Variants in MYO3A observed in about 807,000 individuals in gnomAD.
The protein encoded by MYO3A is myosin-IIIa.
MYO3A carries 180 observed loss-of-function variants against 192.7 expected under a neutral mutation model. That is an observed-to-expected ratio of 0.93 (90% CI 0.83 to 1.06). The LOEUF is 1.06. Among genes scored for constraint, MYO3A ranks in the 50% least tolerant of loss-of-function variants. The pLI is 0.00. For synonymous variants in MYO3A, 628 were observed against 645.3 expected (o/e 0.97, Z 0.41); for missense variants, 1,896 against 1,905.0 (o/e 1.00, Z 0.09).
In MYO3A at chr10:26,168,761, A is replaced by T. The variant is rs1841894749; in HGVS notation, c.3161A>T (p.Glu1054Val). Residue 1054 changes from glutamate to valine, a missense_variant, in exon 28 of 35, where the codon GAA becomes GTA. Transcript: ENST00000642920. ...GAGCAGTTAAATCTAATGCGAAAGG[A>T]AGCTATTGACAAGCTTATTTTGATT... ...HVEQLNLMRK[E>V]AIDKLILIQA... 2 of 1,613,324 alleles carry T rather than the reference A, an allele frequency of 1.2e-6. No individual in the cohort carries two copies. The highest frequency in any genetic ancestry group is 1.7e-5 in the Admixed American group (1 of 60,006).
At chr10:26,102,201 C>G (rs1588958682) in intron 17 of MYO3A, among the ~76,000 whole-genome samples, 1 of 152,308 alleles carries the variant, frequency 6.6e-6, no homozygotes, top group South Asian at 2.1e-4. Context: ...GCTACTGAAG[C>G]TTTTGCATGC....
intron 15 of MYO3A, among the ~76,000 whole-genome samples, chr10:26,090,435 T>C (rs1268951076): frequency 6.6e-6 from 1 of 152,230 alleles, no homozygotes; most frequent in Non-Finnish European, 1.5e-5. Flanking sequence ...AAGTAGTTTT[T>C]TTCCCCCTAA....
chr10:26,203,178 A>C, intron 34 of MYO3A, 71 bp downstream of exon 34: 2 of 1,490,142 alleles, frequency 1.3e-6, no homozygotes, highest in South Asian at 2.3e-5. Context: ...AAGATATTTC[A>C]CTTTATATAT....
chr10:26,070,798 G>A lies in MYO3A; in HGVS notation c.1359+397G>A, dbSNP rs540858957. ...GTCAATTGCAAATTGAATCTTAAAA[G>A]TGCCATTAACAATAAAATCAAAAAA... On this transcript the variant is annotated intron_variant, in intron 14 of 34. Transcript: ENST00000642920. Among the ~76,000 whole-genome samples, 7 of 151,954 alleles carry A rather than the reference G, an allele frequency of 4.6e-5. No homozygotes were observed. In the South Asian group the frequency reaches 1.4e-3, roughly 31 times the overall value.
chr10:26,070,666 A>G (rs1371085355), intron 14 of MYO3A, among the ~76,000 whole-genome samples: 1 of 152,042 alleles, frequency 6.6e-6, no homozygotes, highest in Non-Finnish European at 1.5e-5. Context: ...CAGTGCATTT[A>G]TTGAATGCTT....
intron 1 of MYO3A, among the ~76,000 whole-genome samples, chr10:25,934,538 G>A (rs1405771776): frequency 3.9e-5 from 6 of 152,008 alleles, no homozygotes; most frequent in African/African-American, 1.4e-4. Flanking sequence ...TGAGAGAGGG[G>A]ACTCGAGGGG....
Position 26,202,951 on chromosome 10 carries a change from T to C in MYO3A, c.4587-13T>C. On this transcript the variant is annotated splice_polypyrimidine_tract_variant and intron_variant, in intron 33 of 34. Transcript: ENST00000642920. ...AGATTGATGCAATGGTGTGTTTATG[T>C]GTTCATTTACAGTCAGGGAAAATTA... 1 of 1,613,250 alleles carries C rather than the reference T, an allele frequency of 6.2e-7. No individual in the cohort carries two copies. The highest frequency in any genetic ancestry group is 8.5e-7 in the Non-Finnish European group (1 of 1,179,424).
chr10:26,002,259 A>G (rs1840875842), intron 6 of MYO3A, among the ~76,000 whole-genome samples: 1 of 152,202 alleles, frequency 6.6e-6, no homozygotes, highest in Non-Finnish European at 1.5e-5. Context: ...GCACTGTTAT[A>G]TATAAAGTTT....
At chr10:26,100,416 C>G (rs1486714543) in intron 17 of MYO3A, among the ~76,000 whole-genome samples, 1 of 152,164 alleles carries the variant, frequency 6.6e-6, no homozygotes, top group Non-Finnish European at 1.5e-5. Flanking sequence ...CAGTTCTGCT[C>G]TTGTCTTAGT....
At chr10:26,192,518 T>C (rs1370756672) in intron 31 of MYO3A, among the ~76,000 whole-genome samples, 1 of 152,062 alleles carries the variant, frequency 6.6e-6, no homozygotes, top group Non-Finnish European at 1.5e-5. Context: ...AACATTCCTT[T>C]TTAAGTTTTT....
intron 31 of MYO3A, among the ~76,000 whole-genome samples, chr10:26,187,430 C>T (rs1842918111): frequency 6.6e-6 from 1 of 152,078 alleles, no homozygotes. Context: ...TCCTCTGAGG[C>T]CTTTTTCCTT....
intron 8 of MYO3A, 108 bp downstream of exon 8, chr10:26,021,756 T>G: frequency 4.9e-6 from 7 of 1,432,178 alleles, no homozygotes; most frequent in Non-Finnish European, 6.9e-6. Flanking sequence ...TTCCAACAAG[T>G]TGGGAGCAGA....
chr10:26,000,456 A>G (rs978371665), intron 6 of MYO3A, among the ~76,000 whole-genome samples: 2 of 152,230 alleles, frequency 1.3e-5, no homozygotes, highest in Non-Finnish European at 2.9e-5. Flanking sequence ...TGCAAAAAAA[A>G]TGATTGAGGT....
At chr10:26,122,393 T>G (rs974949239) in intron 18 of MYO3A, among the ~76,000 whole-genome samples, 11 of 152,228 alleles carry the variant, frequency 7.2e-5, no homozygotes, top group Non-Finnish European at 1.3e-4. Flanking sequence ...TTGAAAGTTA[T>G]AAGGAATTAT....
intron 15 of MYO3A, among the ~76,000 whole-genome samples, chr10:26,090,043 G>A (rs1836602843): frequency 6.6e-6 from 1 of 152,186 alleles, no homozygotes; most frequent in Admixed American, 6.5e-5. Flanking sequence ...CAGTGCCGTT[G>A]CCACCCATAA....
chr10:26,064,845 G>A (rs1834713158), intron 10 of MYO3A, among the ~76,000 whole-genome samples: 2 of 152,118 alleles, frequency 1.3e-5, no homozygotes, highest in South Asian at 4.1e-4. Context: ...GGAAGGAGTA[G>A]GTTTGGAGAC....
At chr10:26,066,387 A>G (rs990774988) in intron 10 of MYO3A, among the ~76,000 whole-genome samples, 13 of 152,184 alleles carry the variant, frequency 8.5e-5, no homozygotes, top group African/African-American at 2.9e-4. Context: ...TAAATAAACC[A>G]TTGTGTTTAT....
At chr10:26,047,232 A>T (rs1352361151) in intron 10 of MYO3A, among the ~76,000 whole-genome samples, 1 of 152,228 alleles carries the variant, frequency 6.6e-6, no homozygotes, top group Non-Finnish European at 1.5e-5. Context: ...AATACAAAGA[A>T]ATAAAACACA....
At chr10:26,005,925 G>T (rs1841173358) in intron 6 of MYO3A, among the ~76,000 whole-genome samples, 1 of 151,990 alleles carries the variant, frequency 6.6e-6, no homozygotes, top group Non-Finnish European at 1.5e-5. Flanking sequence ...GAAAGGCAAG[G>T]TCTTTATAAT....
Sources: allele counts gnomAD v4.1 joint callset (sites outside exome capture counted in the v4.1 genomes callset), GRCh38; gene constraint gnomAD v4.1.1; transcripts MANE v1.5; gene names NCBI Gene and HGNC (gene_info 2026-07-23, HGNC 2026-07-21).